Variants in ZGRF1 observed in about 807,000 individuals in gnomAD.
The protein encoded by ZGRF1 is 5'-3' DNA helicase ZGRF1.
ZGRF1 carries 196 observed loss-of-function variants against 203.5 expected under a neutral mutation model. That is an observed-to-expected ratio of 0.96 (90% CI 0.86 to 1.08). The LOEUF (loss-of-function observed/expected upper bound fraction) is 1.08, where lower values mean the gene tolerates loss of function less well. ZGRF1 is among the 50% of genes least tolerant of loss of function. The pLI is 0.00. For missense variants in ZGRF1, 2,326 were observed against 2,416.3 expected, an observed-to-expected ratio of 0.96 and a Z score of 0.78; for synonymous variants, 809 against 841.3, an observed-to-expected ratio of 0.96 and a Z score of 0.66.
chr4:112,605,596 G>A (rs1373595580), intron 9 of ZGRF1: 1 of 160,692 alleles, frequency 6.2e-6, no homozygotes, highest in Non-Finnish European at 1.3e-5. Flanking sequence ...ATATAGAATA[G>A]GTAGCACTAC....
chr4:112,574,431 T>A (rs1005157016), intron 16 of ZGRF1, among the ~76,000 whole-genome samples: 6 of 152,170 alleles, frequency 3.9e-5, no homozygotes, highest in Non-Finnish European at 8.8e-5. Context: ...TCTTTAGGAA[T>A]TCATTTACAT....
chr4:112,564,265 C>G (rs1003037394), intron 16 of ZGRF1, among the ~76,000 whole-genome samples: 1 of 152,296 alleles, frequency 6.6e-6, no homozygotes, highest in East Asian at 1.9e-4. Flanking sequence ...TTCCTCCTCT[C>G]TTGTAACTAC....
intron 19 of ZGRF1, among the ~76,000 whole-genome samples, chr4:112,560,327 G>A (rs559689222): frequency 3.0e-4 from 45 of 152,156 alleles, no homozygotes; most frequent in Non-Finnish European, 5.0e-4. Context: ...CTCTTTTAGA[G>A]GCAAGATCAA....
intron 8 of ZGRF1, among the ~76,000 whole-genome samples, chr4:112,608,356 T>C (rs1211274934): frequency 2.0e-5 from 3 of 152,238 alleles, no homozygotes; most frequent in Non-Finnish European, 4.4e-5. Context: ...TGGTGGCTCA[T>C]GCCTGTAATC....
chr4:112,547,460 C>A, intron 23 of ZGRF1, 52 bp from the exon 24 acceptor site: 1 of 1,541,642 alleles, frequency 6.5e-7, no homozygotes, highest in South Asian at 1.2e-5. Context: ...GGTGCATTAA[C>A]ATCATTTATT....
intron 21 of ZGRF1, among the ~76,000 whole-genome samples, chr4:112,554,230 G>A (rs1305792917): frequency 1.6e-5 from 2 of 123,576 alleles, no homozygotes; most frequent in African/African-American, 3.2e-5. Flanking sequence ...ACGCCCCAGT[G>A]TGTGATGTTC....
chr4:112,554,693 T>C lies in ZGRF1; in HGVS notation c.5198+12A>G. 2 of 1,410,226 alleles carry C rather than the reference T, an allele frequency of 1.4e-6. No individual in the cohort carries two copies. The highest frequency in any genetic ancestry group is 1.2e-5 in the South Asian group (1 of 80,522). The allele number at this position is 1,410,226 out of a possible 1,614,324, so 87.4% of individuals were successfully genotyped here. A position where few individuals can be genotyped will look rare whatever the true frequency, so the allele number is the denominator to read the frequency against. ...TGACCATTCTGTGACTTCTGGAATT[T>C]TGCATTCTTACCTATAAGGTAAAAT... is the stretch of plus-strand genomic sequence containing the variant. On this transcript the variant is annotated intron_variant, in intron 21 of 27. Transcript: ENST00000505019.
At position 112,605,306 on chromosome 4, in the gene ZGRF1, G is replaced by C. The variant is rs147917128; in HGVS notation, c.2802+702C>G. ...CTCCAGAGTAGCTGGGACTACAGGTGTGTACCACCACACCCAGCTAGTTTT... is the reference window on the plus strand; with the variant it reads ...CTCCAGAGTAGCTGGGACTACAGGTCTGTACCACCACACCCAGCTAGTTTT... On this transcript the variant is annotated intron_variant, in intron 9 of 27. Transcript: ENST00000505019. Among the ~76,000 whole-genome samples, 771 of 152,192 alleles carry C rather than the reference G, an allele frequency of 5.1e-3. 18 individuals carry two copies. The highest frequency in any genetic ancestry group is 0.029 in the East Asian group (151 of 5,176).
chr4:112,586,215 G>C (rs747116903), intron 13 of ZGRF1, among the ~76,000 whole-genome samples: 1 of 150,988 alleles, frequency 6.6e-6, no homozygotes, highest in Non-Finnish European at 1.5e-5. Flanking sequence ...ACTCCAGCCT[G>C]GGCAACATAG....
intron 11 of ZGRF1, among the ~76,000 whole-genome samples, chr4:112,589,365 G>A (rs1191850686): frequency 6.6e-6 from 1 of 152,144 alleles, no homozygotes; most frequent in Non-Finnish European, 1.5e-5. Context: ...GTCAACCAAT[G>A]GTGTTGATGA....
chr4:112,608,417 G>A (rs1224449209), intron 8 of ZGRF1, among the ~76,000 whole-genome samples: 1 of 152,072 alleles, frequency 6.6e-6, no homozygotes, highest in African/African-American at 2.4e-5. Context: ...TCAGGAGTTC[G>A]AGATCAGCCT....
Position 112,575,240 on chromosome 4 carries a change from A to C in ZGRF1, c.4438+6423T>G, listed in dbSNP as rs976509500. On this transcript the variant is annotated intron_variant, in intron 16 of 27. Transcript: ENST00000505019. ...CTTATATGATTCCAAGAACTAATTA[A>C]ATGTTTCTCGTATCCCTTTTAATAA... Among the ~76,000 whole-genome samples the C allele has an allele frequency of 2.6e-5, 4 of 152,264 alleles. No homozygotes were observed. In the South Asian group the frequency reaches 6.2e-4, roughly 24 times the overall value.
Position 112,620,122 on chromosome 4 carries a change from T to A in ZGRF1, c.231A>T (p.Gly77=), listed in dbSNP as rs1303857208. The A allele has an allele frequency of 6.2e-7, 1 of 1,613,470 alleles. No individual in the cohort carries two copies. The highest frequency in any genetic ancestry group is 2.2e-5 in the East Asian group (1 of 44,820). The change falls in exon 5 of 28, where the codon GGA becomes GGT. Residue 77 remains glycine (G), a synonymous_variant. Coordinates refer to ENST00000505019, the MANE Select transcript of ZGRF1 (RefSeq NM_018392.5). The part of the protein sequence containing the change: ...LITVEEVKVA[G]AIGIVKQNVN... Reference sequence around the variant, plus strand: ...CATTCTGCTTAACAATACCTATGGCTCCAGCAACTTTAACCTCTTCAACTG... The same window carrying A: ...CATTCTGCTTAACAATACCTATGGCACCAGCAACTTTAACCTCTTCAACTG...
chr4:112,573,788 T>G (rs1452438128), intron 16 of ZGRF1, among the ~76,000 whole-genome samples: 2 of 152,150 alleles, frequency 1.3e-5, no homozygotes, highest in Non-Finnish European at 2.9e-5. Context: ...AGCAGATATT[T>G]ATAATATACA....
Position 112,562,322 on chromosome 4 carries a change from T to C in ZGRF1, c.4697+49A>G, listed in dbSNP as rs780574705. 6.3e-5 allele frequency: 60 copies of C among 954,712 alleles called. No individual in the cohort carries two copies. The South Asian group carries it at 7.9e-4, about 13-fold the overall frequency. The allele number at this position is 954,712 out of a possible 1,614,324, so 59.1% of individuals were successfully genotyped here. On this transcript the variant is annotated intron_variant, in intron 18 of 27. Coordinates refer to ENST00000505019, the MANE Select transcript of ZGRF1 (RefSeq NM_018392.5). Reference sequence around the variant, plus strand: ...TTTATTGAATTTTCATATTTACTTCTGATTACCATTTTTTAATACCAATGA... The same window carrying C: ...TTTATTGAATTTTCATATTTACTTCCGATTACCATTTTTTAATACCAATGA...
At chr4:112,586,746 G>C (rs901877730) in intron 12 of ZGRF1, among the ~76,000 whole-genome samples, 163 bp from the exon 13 acceptor site, 18 of 152,054 alleles carry the variant, frequency 1.2e-4, no homozygotes, top group African/African-American at 3.6e-4. Flanking sequence ...ACCAAATATA[G>C]CAAGAATAGC....
In ZGRF1 at chr4:112,608,576, C is replaced by T. The variant is rs1751110952; in HGVS notation, c.2718+803G>A. 1.3e-5 allele frequency among the ~76,000 whole-genome samples: 2 copies of T among 152,108 alleles called. 1 individual carries two copies. The highest frequency in any genetic ancestry group is 4.1e-4 in the South Asian group (2 of 4,820). ...CGGAGGTTGCGGTGAGCCGAGATCA[C>T]ACCATTGCACTCCAGCCTGGGCGAC... is the stretch of plus-strand genomic sequence containing the variant. On this transcript the variant is annotated intron_variant, in intron 8 of 27. Coordinates refer to ENST00000505019, the MANE Select transcript of ZGRF1 (RefSeq NM_018392.5).
At chr4:112,541,710 T>G (rs1737650207) in intron 24 of ZGRF1, among the ~76,000 whole-genome samples, 1 of 151,980 alleles carries the variant, frequency 6.6e-6, no homozygotes. Flanking sequence ...TGTATTTTTG[T>G]AGAGACGGGG....
intron 23 of ZGRF1, 125 bp from the exon 24 acceptor site, chr4:112,547,533 TA>T: frequency 2.4e-6 from 2 of 820,900 alleles, no homozygotes; most frequent in Non-Finnish European, 3.7e-6. Flanking sequence ...TGAGTACTAA[TA>T]AAGCTTAGTA....
Sources: gnomAD v4.1 joint callset for allele counts (sites outside exome capture counted in the v4.1 genomes callset) on GRCh38, gnomAD v4.1.1 for gene constraint, MANE v1.5 for transcripts, NCBI Gene and HGNC (gene_info 2026-07-23, HGNC 2026-07-21) for gene names.